Variants in ELL2 observed in about 807,000 individuals in gnomAD.
The protein encoded by ELL2 is RNA polymerase II elongation factor ELL2.
A neutral mutation model predicts 72.8 loss-of-function variants in ELL2; 21 were observed. The ratio of observed to expected loss-of-function variants is 0.29; its 90% confidence interval spans 0.20 to 0.42. The LOEUF is 0.42. Among genes scored for constraint, ELL2 ranks in the 10% least tolerant of loss-of-function variants. The probability of loss-of-function intolerance (pLI) is 1.00; values close to 1 mark genes in which losing one functional copy is unlikely to be tolerated. For synonymous variants in ELL2, 266 were observed against 283.2 expected, an observed-to-expected ratio of 0.94 and a Z score of 0.61; for missense variants, 568 against 772.8, an observed-to-expected ratio of 0.73 and a Z score of 3.14.
chr5:95,918,395 G>A, intron 3 of ELL2, among the ~76,000 whole-genome samples: 1 of 152,200 alleles, frequency 6.6e-6, no homozygotes, highest in East Asian at 1.9e-4. Flanking sequence ...TAAGTTTGAA[G>A]GTGGGTAATT....
intron 1 of ELL2, among the ~76,000 whole-genome samples, chr5:95,950,291 T>G (rs545563229): frequency 3.9e-5 from 6 of 152,300 alleles, no homozygotes; most frequent in Non-Finnish European, 7.4e-5. Context: ...TGTTCAAGAG[T>G]CACTTTTTTC....
intron 2 of ELL2, among the ~76,000 whole-genome samples, chr5:95,923,031 T>C (rs1397763026): frequency 6.6e-6 from 1 of 151,948 alleles, no homozygotes; most frequent in Non-Finnish European, 1.5e-5. Flanking sequence ...GTACAAAATA[T>C]CAGTAGGGCC....
chr5:95,892,769 G>C (rs780815388), intron 9 of ELL2, among the ~76,000 whole-genome samples: 2 of 152,170 alleles, frequency 1.3e-5, no homozygotes, highest in Admixed American at 6.5e-5. Flanking sequence ...GATGCAGTGA[G>C]CAAACTTAGT....
intron 4 of ELL2, among the ~76,000 whole-genome samples, chr5:95,910,799 C>T (rs1749560412): frequency 6.6e-6 from 1 of 152,128 alleles, no homozygotes; most frequent in Non-Finnish European, 1.5e-5. Context: ...CCTGCAGGTA[C>T]CTCGAAGCTG....
chr5:95,893,642 C>T (rs1192991950), intron 9 of ELL2, among the ~76,000 whole-genome samples: 1 of 152,212 alleles, frequency 6.6e-6, no homozygotes, highest in Admixed American at 6.5e-5. Flanking sequence ...ACCTCGGCCT[C>T]CCACAGTGCT....
intron 9 of ELL2, among the ~76,000 whole-genome samples, chr5:95,893,506 T>G (rs1433603800): frequency 1.3e-5 from 2 of 152,146 alleles, no homozygotes; most frequent in Non-Finnish European, 2.9e-5. Flanking sequence ...TGCCTCAGCC[T>G]CCTCAGTAGC....
chr5:95,903,438 C>A (rs1289923063), intron 5 of ELL2, among the ~76,000 whole-genome samples: 1 of 151,606 alleles, frequency 6.6e-6, no homozygotes, highest in Non-Finnish European at 1.5e-5. Context: ...ACCATGTTGG[C>A]CAGGCTAGTC....
chr5:95,950,931 TA>T lies in ELL2; in HGVS notation c.148-7883del, dbSNP rs1561515417. Among the ~76,000 whole-genome samples the T allele has an allele frequency of 6.3e-5, 8 of 126,562 alleles. 1 individual carries two copies. The East Asian group carries it at 1.2e-3, about 19-fold the overall frequency. 83.0% of individuals were successfully genotyped at this position (126,562 alleles called of 152,430 possible). On this transcript the variant is annotated intron_variant, in intron 1 of 11. Coordinates refer to ENST00000237853, the MANE Select transcript of ELL2 (RefSeq NM_012081.6). ...ATATATATATATATATATATATATATATATATATATATATATATATATAAAA... is the reference window on the plus strand; with the variant it reads ...ATATATATATATATATATATATATATTATATATATATATATATATATAAAA...
chr5:95,922,087 A>C (rs1750108857), intron 2 of ELL2, among the ~76,000 whole-genome samples: 1 of 149,940 alleles, frequency 6.7e-6, no homozygotes, highest in South Asian at 2.1e-4. Flanking sequence ...TTTTTTTGAG[A>C]CGTAATCTCT....
intron 2 of ELL2, among the ~76,000 whole-genome samples, chr5:95,923,884 T>G (rs935629809): frequency 6.6e-6 from 1 of 152,256 alleles, no homozygotes; most frequent in African/African-American, 2.4e-5. Context: ...GTTAATTGTA[T>G]CAATATCCAA....
chr5:95,905,185 T>A (rs1461964507), intron 5 of ELL2, among the ~76,000 whole-genome samples: 1 of 152,078 alleles, frequency 6.6e-6, no homozygotes, highest in African/African-American at 2.4e-5. Context: ...TCAACACTAA[T>A]AACTCTCATG....
chr5:95,947,214 G>A (rs1751192431), intron 1 of ELL2, among the ~76,000 whole-genome samples: 1 of 151,364 alleles, frequency 6.6e-6, no homozygotes, highest in Admixed American at 6.6e-5. Flanking sequence ...AAAAAGTATT[G>A]TAAAATCATT....
chr5:95,934,118 G>T (rs1244395377), intron 2 of ELL2, among the ~76,000 whole-genome samples: 1 of 152,026 alleles, frequency 6.6e-6, no homozygotes, highest in Non-Finnish European at 1.5e-5. Context: ...AAACTAAAAA[G>T]CATTCAGATT....
At chr5:95,914,606 C>T (rs1360114064) in intron 3 of ELL2, among the ~76,000 whole-genome samples, 2 of 152,110 alleles carry the variant, frequency 1.3e-5, no homozygotes, top group East Asian at 1.9e-4. Flanking sequence ...GTAATCCCAA[C>T]ACTTTGGGAG....
chr5:95,911,256 C>T (rs780931505), intron 4 of ELL2, among the ~76,000 whole-genome samples: 4 of 149,338 alleles, frequency 2.7e-5, no homozygotes, highest in Non-Finnish European at 4.4e-5. Flanking sequence ...TAACAAAATA[C>T]AGTAAAAAAA....
chr5:95,895,747 G>A, intron 8 of ELL2, 56 bp from the exon 9 acceptor site: 1 of 1,318,426 alleles, frequency 7.6e-7, no homozygotes. Context: ...GTTATCAAAT[G>A]CCTGTAATTC....
In ELL2 at chr5:95,898,713, T is replaced by A; in HGVS notation, c.1052A>T (p.His351Leu). The change falls in exon 8 of 12, where the codon CAT becomes CTT. Residue 351 changes from histidine (H) to leucine (L), a missense_variant. By Grantham distance (99) the His-to-Leu change is moderately conservative. Coordinates refer to ENST00000237853, the MANE Select transcript of ELL2 (RefSeq NM_012081.6). The part of the protein sequence containing the change: ...TNRVPPTLNG[H>L]LNPTSEKSAA... The stretch of plus-strand genomic sequence containing the variant: ...AGATTTTTCACTGGTGGGATTCAAA[T>A]GACCATTTAGTGTTGGTGGTACTCT... 3.7e-6 allele frequency: 6 copies of A among 1,612,196 alleles called. No individual in the cohort carries two copies. The highest frequency in any genetic ancestry group is 5.1e-6 in the Non-Finnish European group (6 of 1,178,922).
chr5:95,887,526 C>T lies in ELL2; in HGVS notation c.*1345G>A, dbSNP rs141447191. 6.5e-5 allele frequency: 10 copies of T among 152,718 alleles called. No homozygotes were observed. In the East Asian group the frequency reaches 1.5e-3, roughly 24 times the overall value. 9.5% of individuals were successfully genotyped at this position (152,718 alleles called of 1,614,324 possible). ...ACTTTGAAAAGACAATACAATAAGA[C>T]AATACAACTTGAATCAACATTAATT... is the stretch of plus-strand genomic sequence containing the variant. On this transcript the variant is annotated 3_prime_UTR_variant, in exon 12 of 12. Coordinates refer to ENST00000237853, the MANE Select transcript of ELL2 (RefSeq NM_012081.6).
At chr5:95,932,842 T>A (rs1750645865) in intron 2 of ELL2, 1 of 152,050 alleles carries the variant, frequency 6.6e-6, no homozygotes, top group Non-Finnish European at 1.5e-5. Context: ...TTTTTAAAAG[T>A]TAGAGAAATA....
Sources: allele counts gnomAD v4.1 joint callset (sites outside exome capture counted in the v4.1 genomes callset), GRCh38; gene constraint gnomAD v4.1.1; transcripts MANE v1.5; gene names NCBI Gene and HGNC (gene_info 2026-07-23, HGNC 2026-07-21).